Variants in XKR4 observed in about 807,000 individuals in gnomAD.
XKR4 encodes XK-related protein 4.
A neutral mutation model predicts 53.9 loss-of-function variants in XKR4; 12 were observed. The observed-to-expected ratio is 0.22, with a 90% CI of 0.14 to 0.36. The LOEUF is 0.36. Ranked by LOEUF, XKR4 falls within the 10% of genes least tolerant of loss-of-function variation. XKR4 has a pLI of 1.00. For missense variants in XKR4, 799 were observed against 859.5 expected (o/e 0.93, Z 0.88); for synonymous variants, 354 against 362.4 (o/e 0.98, Z 0.26).
chr8:55,347,817 G>C (rs1803670404), intron 1 of XKR4, among the ~76,000 whole-genome samples: 1 of 152,148 alleles, frequency 6.6e-6, no homozygotes, highest in South Asian at 2.1e-4. Context: ...ATGATACTCT[G>C]TGGTAGTTAT....
intron 2 of XKR4, among the ~76,000 whole-genome samples, chr8:55,381,194 G>A (rs1804227088): frequency 1.3e-5 from 2 of 152,134 alleles, no homozygotes; most frequent in African/African-American, 4.8e-5. Context: ...AATTAAATAT[G>A]ATGTATTTCA....
intron 1 of XKR4, among the ~76,000 whole-genome samples, chr8:55,273,739 C>G (rs1818725881): frequency 6.6e-6 from 1 of 152,232 alleles, no homozygotes; most frequent in Admixed American, 6.5e-5. Context: ...CCTCCCCCCA[C>G]TCGCCAAGTT....
chr8:55,343,993 T>C (rs1196160908), intron 1 of XKR4, among the ~76,000 whole-genome samples: 1 of 152,200 alleles, frequency 6.6e-6, no homozygotes, highest in East Asian at 1.9e-4. Context: ...TGTGTGGCTG[T>C]AGATGCTGTA....
chr8:55,539,383 C>T lies in XKR4; in HGVS notation c.*15156C>T, dbSNP rs1364053870. The T allele has an allele frequency of 6.6e-6, 1 of 152,064 alleles. No homozygotes were observed. The highest frequency in any genetic ancestry group is 1.5e-5 in the Non-Finnish European group (1 of 68,010). 9.4% of individuals were successfully genotyped at this position (152,064 alleles called of 1,614,324 possible). A position where few individuals can be genotyped will look rare whatever the true frequency, so the allele number is the denominator to read the frequency against. ...ACAAAATGGGTTTCAGAAAGTTTAC[C>T]TTGAGAAGTGGGTTTGAAATCATCT... is the stretch of plus-strand genomic sequence containing the variant. On this transcript the variant is annotated 3_prime_UTR_variant, in exon 3 of 3. Transcript: ENST00000327381.
chr8:55,270,495 T>C (rs1563497975), intron 1 of XKR4, among the ~76,000 whole-genome samples: 1 of 152,182 alleles, frequency 6.6e-6, no homozygotes, highest in South Asian at 2.1e-4. Context: ...CCTCGTGTTG[T>C]TGTCTATCTG....
In XKR4 at chr8:55,510,568, G is replaced by A. The variant is rs369192475; in HGVS notation, c.1007-12713G>A. On this transcript the variant is annotated intron_variant, in intron 2 of 2. Transcript: ENST00000327381. The stretch of plus-strand genomic sequence containing the variant: ...GGGATGGGCAGATGGGAATGAAGAG[G>A]AGTCCACTCTCCCAAAGCCCTGCAG... 7.2e-5 allele frequency among the ~76,000 whole-genome samples: 11 copies of A among 152,128 alleles called. 1 individual carries two copies. The East Asian group carries it at 1.2e-3, about 16-fold the overall frequency.
chr8:55,412,016 A>G (rs1416467783), intron 2 of XKR4, among the ~76,000 whole-genome samples: 1 of 152,210 alleles, frequency 6.6e-6, no homozygotes, highest in African/African-American at 2.4e-5. Context: ...GCCACTTTTT[A>G]ACCTCTTTAT....
chr8:55,135,700 A>C (rs764034252), intron 1 of XKR4: 9 of 455,724 alleles, frequency 2.0e-5, no homozygotes, highest in South Asian at 4.6e-5. Context: ...TTTCCAGTTT[A>C]TGCCCATTAC....
intron 1 of XKR4, among the ~76,000 whole-genome samples, chr8:55,341,557 C>G (rs1319999539): frequency 6.6e-6 from 1 of 152,202 alleles, no homozygotes; most frequent in Non-Finnish European, 1.5e-5. Flanking sequence ...TCTGACTACT[C>G]TGCAATGAAG....
At chr8:55,408,069 T>A (rs1451176789) in intron 2 of XKR4, among the ~76,000 whole-genome samples, 1 of 152,182 alleles carries the variant, frequency 6.6e-6, no homozygotes, top group Non-Finnish European at 1.5e-5. Context: ...CCCAGTGCTG[T>A]TCCAATGCCT....
At chr8:55,437,623 C>T (rs766707829) in intron 2 of XKR4, among the ~76,000 whole-genome samples, 2 of 152,284 alleles carry the variant, frequency 1.3e-5, no homozygotes, top group Middle Eastern at 6.8e-3. Flanking sequence ...TCATTGAGTG[C>T]TCACTGTGTA....
chr8:55,124,986 C>T (rs1816442773), intron 1 of XKR4, among the ~76,000 whole-genome samples: 1 of 152,222 alleles, frequency 6.6e-6, no homozygotes, highest in Non-Finnish European at 1.5e-5. Flanking sequence ...TAATAAAGTT[C>T]TATCAAGTGC....
intron 2 of XKR4, among the ~76,000 whole-genome samples, chr8:55,503,436 A>G (rs1806475070): frequency 6.6e-6 from 1 of 152,062 alleles, no homozygotes; most frequent in Admixed American, 6.5e-5. Flanking sequence ...ATTCTTTTTC[A>G]AGCTATTATA....
chr8:55,511,848 A>C (rs1806629831), intron 2 of XKR4, among the ~76,000 whole-genome samples: 1 of 152,186 alleles, frequency 6.6e-6, no homozygotes, highest in Admixed American at 6.5e-5. Flanking sequence ...TGTAGCTCGT[A>C]CCTTTTATTG....
At chr8:55,193,846 G>T (rs1303990009) in intron 1 of XKR4, among the ~76,000 whole-genome samples, 1 of 152,224 alleles carries the variant, frequency 6.6e-6, no homozygotes. Flanking sequence ...AGATGGCTGA[G>T]GATCAGAGGC....
At chr8:55,444,326 C>G (rs1181987247) in intron 2 of XKR4, among the ~76,000 whole-genome samples, 5 of 152,144 alleles carry the variant, frequency 3.3e-5, no homozygotes, top group African/African-American at 1.2e-4. Context: ...ATTAATCTCT[C>G]TTAAAATTAC....
chr8:55,319,491 T>C (rs947402466), intron 1 of XKR4, among the ~76,000 whole-genome samples: 2 of 152,210 alleles, frequency 1.3e-5, no homozygotes, highest in Non-Finnish European at 2.9e-5. Context: ...CTAAAGGCCA[T>C]TCCATTGTAA....
chr8:55,414,397 C>T (rs915884489), intron 2 of XKR4, among the ~76,000 whole-genome samples: 2 of 151,778 alleles, frequency 1.3e-5, no homozygotes, highest in Non-Finnish European at 2.9e-5. Context: ...TATAGACTAG[C>T]AGAAGAAATG....
intron 1 of XKR4, among the ~76,000 whole-genome samples, chr8:55,166,964 T>A (rs1483241274): frequency 6.6e-6 from 1 of 152,166 alleles, no homozygotes; most frequent in Non-Finnish European, 1.5e-5. Context: ...AGAACAGACT[T>A]CAAGAAGGTG....
Sources: gnomAD v4.1 joint callset for allele counts (sites outside exome capture counted in the v4.1 genomes callset) on GRCh38, gnomAD v4.1.1 for gene constraint, MANE v1.5 for transcripts, NCBI Gene and HGNC (gene_info 2026-07-23, HGNC 2026-07-21) for gene names.